Variants in EDA observed in about 807,000 individuals in gnomAD.
The protein encoded by EDA is ectodysplasin A.
In EDA, 2 loss-of-function variants were observed where a neutral mutation model predicts 23.6. That is an observed-to-expected ratio of 0.08 (90% CI 0.03 to 0.27). The LOEUF is 0.27. Ranked by LOEUF, EDA falls within the 10% of genes least tolerant of loss-of-function variation. The pLI is 1.00. For missense variants in EDA, 229 were observed against 324.2 expected, an observed-to-expected ratio of 0.71 and a Z score of 2.26; for synonymous variants, 131 against 132.0, an observed-to-expected ratio of 0.99 and a Z score of 0.05.
At chrX:69,773,266 T>C (rs1056153909) in intron 1 of EDA, among the ~76,000 whole-genome samples, 2 of 112,574 alleles carry the variant, frequency 1.8e-5, no homozygotes, top group African/African-American at 6.4e-5. Context: ...TGAATAATAT[T>C]CCATTGCATG....
chrX:69,745,896 G>T (rs1158125767), intron 1 of EDA, among the ~76,000 whole-genome samples: 3 of 111,502 alleles, frequency 2.7e-5, no homozygotes, highest in Admixed American at 1.9e-4. Flanking sequence ...GCTGAGGCAG[G>T]AGAATCACTT....
At chrX:69,775,054 G>T (rs2014740138) in intron 1 of EDA, among the ~76,000 whole-genome samples, 1 of 111,635 alleles carries the variant, frequency 9.0e-6, no homozygotes, top group African/African-American at 3.2e-5. Flanking sequence ...ATCATTATAT[G>T]TGTATTTTGA....
chrX:69,826,530 T>G (rs1260607361), intron 1 of EDA, among the ~76,000 whole-genome samples: 23 of 109,638 alleles, frequency 2.1e-4, no homozygotes, highest in Non-Finnish European at 3.8e-4. Flanking sequence ...ACCCCTGCCT[T>G]TTTTTGTTTT....
At chrX:69,705,792 A>G (rs759953636) in intron 1 of EDA, among the ~76,000 whole-genome samples, 1 of 111,849 alleles carries the variant, frequency 8.9e-6, no homozygotes, top group South Asian at 3.7e-4. Context: ...CCATCTAAAA[A>G]TTTTCTACGC....
At chrX:69,792,149 A>G (rs2015422793) in intron 1 of EDA, among the ~76,000 whole-genome samples, 1 of 110,626 alleles carries the variant, frequency 9.0e-6, no homozygotes, top group African/African-American at 3.3e-5. Context: ...AAAGTCCATT[A>G]TATCATTCTT....
intron 1 of EDA, 30 bp from the exon 2 acceptor site, chrX:69,956,997 C>A: frequency 8.5e-7 from 1 of 1,181,241 alleles, no homozygotes; most frequent in Non-Finnish European, 1.2e-6. Flanking sequence ...TGGGGTCAAC[C>A]TTTGACTAAT....
chrX:69,867,934 GA>G (rs910514784), intron 1 of EDA, among the ~76,000 whole-genome samples: 3 of 111,948 alleles, frequency 2.7e-5, no homozygotes, highest in African/African-American at 9.7e-5. Flanking sequence ...AGATGGGTCA[GA>G]AAGCACCCAG....
intron 1 of EDA, among the ~76,000 whole-genome samples, chrX:69,825,451 AT>A (rs1174961153): frequency 9.1e-6 from 1 of 110,256 alleles, no homozygotes; most frequent in Non-Finnish European, 1.9e-5. Flanking sequence ...CGAGGAATTT[AT>A]CCATTTCTTC....
At chrX:69,694,798 C>T (rs2011277120) in intron 1 of EDA, among the ~76,000 whole-genome samples, 1 of 111,912 alleles carries the variant, frequency 8.9e-6, no homozygotes, top group Non-Finnish European at 1.9e-5. Context: ...GTATTAATAA[C>T]ACATCCATGC....
Position 69,989,797 on chromosome X carries a change from G to T in EDA, c.502+32665G>T, listed in dbSNP as rs772841530. 2.8e-5 allele frequency among the ~76,000 whole-genome samples: 3 copies of T among 108,042 alleles called. No homozygotes were observed. The East Asian group carries it at 8.6e-4, about 31-fold the overall frequency. The allele number at this position is 108,042 out of a possible 115,157, so 93.8% of individuals were successfully genotyped here. On this transcript the variant is annotated intron_variant, in intron 2 of 7. Transcript: ENST00000374552. The stretch of plus-strand genomic sequence containing the variant: ...AACAGAATCCATAAACTTGAGGACA[G>T]ATGAATACAATTACTTTATCTGAAC...
At chrX:69,692,405 A>G (rs993342103) in intron 1 of EDA, among the ~76,000 whole-genome samples, 9 of 111,531 alleles carry the variant, frequency 8.1e-5, no homozygotes, top group Non-Finnish European at 1.5e-4. Context: ...TTTCATCTCA[A>G]TAGGTCTCCA....
chrX:70,014,583 T>C (rs1327377288), intron 2 of EDA, among the ~76,000 whole-genome samples: 1 of 112,034 alleles, frequency 8.9e-6, no homozygotes, highest in Admixed American at 9.4e-5. Context: ...TTAGCCAGGC[T>C]GAAATGGCTG....
In EDA at chrX:69,894,056, C is replaced by T. The variant is rs1041885269; in HGVS notation, c.397-62971C>T. 7.2e-5 allele frequency among the ~76,000 whole-genome samples: 8 copies of T among 111,399 alleles called. No homozygotes were observed. The Admixed American group carries it at 7.7e-4, about 11-fold the overall frequency. On this transcript the variant is annotated intron_variant, in intron 1 of 7. Coordinates refer to ENST00000374552, the MANE Select transcript of EDA (RefSeq NM_001399.5). Reference sequence around the variant, plus strand: ...TTCCAGAAGAGAAAATCTATTTCACCACCGCCTCTATTTTGAGTTGATTTT... The same window carrying T: ...TTCCAGAAGAGAAAATCTATTTCACTACCGCCTCTATTTTGAGTTGATTTT...
rs1344234915 is a variant in EDA, at chrX:70,039,030, T to C, written c.*3421T>C. On this transcript the variant is annotated 3_prime_UTR_variant, in exon 8 of 8. Transcript: ENST00000374552. ...CCTGGCCAGGCAGGGAGAGAGTAGC[T>C]GCAGCCTTCATCAGAACTCTTCCTC... The C allele has an allele frequency of 8.9e-6, 1 of 111,957 alleles. No individual in the cohort carries two copies. Among genetic ancestry groups the C allele is most frequent in the Admixed American group, 9.4e-5 (1 of 10,591 alleles). 9.2% of individuals were successfully genotyped at this position (111,957 alleles called of 1,213,427 possible).
At chrX:69,937,750 G>T in intron 1 of EDA, 1 of 1,195,248 alleles carries the variant, frequency 8.4e-7, no homozygotes, top group East Asian at 3.0e-5. Context: ...GAAGTTCCTG[G>T]AGGGTATTCT....
chrX:69,682,936 C>T, intron 1 of EDA, among the ~76,000 whole-genome samples: 1 of 111,431 alleles, frequency 9.0e-6, no homozygotes, highest in Non-Finnish European at 1.9e-5. Context: ...ATAGATGATG[C>T]TTATTTGGAA....
intron 2 of EDA, among the ~76,000 whole-genome samples, chrX:69,989,712 C>T (rs2019555284): frequency 9.0e-6 from 1 of 110,535 alleles, no homozygotes; most frequent in African/African-American, 3.3e-5. Context: ...CTGAAAATTA[C>T]AATAACTGCA....
chrX:69,806,458 C>T (rs2015818408), intron 1 of EDA, among the ~76,000 whole-genome samples: 1 of 110,538 alleles, frequency 9.0e-6, no homozygotes, highest in African/African-American at 3.3e-5. Context: ...ATTTATCTAA[C>T]AAAAATTTGT....
intron 1 of EDA, among the ~76,000 whole-genome samples, chrX:69,856,257 GTGT>G (rs2017247984): frequency 3.8e-5 from 3 of 79,243 alleles, no homozygotes; most frequent in Non-Finnish European, 7.8e-5. Context: ...ATTCCATGGT[GTGT>G]GTGTGTGTGT....
Sources: gnomAD v4.1 joint callset for allele counts (sites outside exome capture counted in the v4.1 genomes callset) on GRCh38, gnomAD v4.1.1 for gene constraint, MANE v1.5 for transcripts, NCBI Gene and HGNC (gene_info 2026-07-23, HGNC 2026-07-21) for gene names.